The following CFAP44 variants were observed in gnomAD, a reference collection of about 807,000 sequenced individuals.
CFAP44 encodes cilia- and flagella-associated protein 44.
A neutral mutation model predicts 216.2 loss-of-function variants in CFAP44; 134 were observed. The ratio of observed to expected loss-of-function variants is 0.62; its 90% confidence interval spans 0.54 to 0.72. The LOEUF (loss-of-function observed/expected upper bound fraction) is 0.72. Among genes scored for constraint, CFAP44 ranks in the 30% least tolerant of loss-of-function variants. The pLI is 0.00. For missense variants in CFAP44, 2,035 were observed against 2,182.1 expected (o/e 0.93, Z 1.34); for synonymous variants, 700 against 727.6 (o/e 0.96, Z 0.61).
intron 21 of CFAP44, chr3:113,362,727 G>T: frequency 3.0e-6 from 1 of 329,610 alleles, no homozygotes; most frequent in Non-Finnish European, 5.5e-6. Flanking sequence ...CAGTCTGCTT[G>T]CAGCAAAAGA....
intron 32 of CFAP44, 50 bp from the exon 33 acceptor site, chr3:113,296,935 A>G (rs1414557174): frequency 6.6e-7 from 1 of 1,520,530 alleles, no homozygotes. Context: ...TCCCATTGTT[A>G]TAAATGAACA....
chr3:113,366,294 C>T lies in CFAP44; in HGVS notation c.2460G>A (p.Met820Ile). The T allele has an allele frequency of 1.3e-6, 2 of 1,597,962 alleles. No homozygotes were observed. The highest frequency in any genetic ancestry group is 1.7e-6 in the Non-Finnish European group (2 of 1,168,218). The change falls in exon 19 of 35, where the codon ATG (methionine) becomes ATA (isoleucine). Residue 820 changes from methionine to isoleucine, a missense_variant. Coordinates refer to ENST00000393845, the MANE Select transcript of CFAP44 (RefSeq NM_001164496.2). ...QTITFNINKV[M>I]MFCGMKNGAI... ...CTCCATTTTTCATTCCACAAAACAT[C>T]ATAACTTTGTTAATGCTACGAAACA...
At chr3:113,362,833 C>T (rs1304895547) in intron 21 of CFAP44, 4 of 1,092,582 alleles carry the variant, frequency 3.7e-6, no homozygotes, top group Non-Finnish European at 3.4e-6. Context: ...ATCTGTTATT[C>T]ATGTCTCTAT....
chr3:113,307,394 C>T (rs545896197), intron 29 of CFAP44, among the ~76,000 whole-genome samples: 5 of 152,288 alleles, frequency 3.3e-5, no homozygotes, highest in African/African-American at 1.2e-4. Flanking sequence ...TAATAAATCA[C>T]CCAGAGAGCC....
rs771691859 is a variant in CFAP44 at position 113,401,593 on chromosome 3, C to G, written c.1317G>C (p.Trp439Cys). The change falls in exon 10 of 35, where the codon TGG (tryptophan) becomes TGC (cysteine). Residue 439 changes from tryptophan (W) to cysteine (C), a missense_variant. Physicochemically the swap from Trp to Cys is radical, Grantham distance 215. Transcript: ENST00000393845. The part of the protein sequence containing the change: ...IKMNETGNNF[W>C]LAQDANGAIW... ...CAAGAATGCAACACACCTGAGCCAACCAAAAGTTATTTCCAGTTTCATTCA... is the reference window on the plus strand; with the variant it reads ...CAAGAATGCAACACACCTGAGCCAAGCAAAAGTTATTTCCAGTTTCATTCA... 4.3e-6 allele frequency: 7 copies of G among 1,613,030 alleles called. No individual in the cohort carries two copies. The highest frequency in any genetic ancestry group is 5.9e-6 in the Non-Finnish European group (7 of 1,179,634).
chr3:113,396,450 T>C, intron 14 of CFAP44, 68 bp downstream of exon 14: 3 of 1,477,334 alleles, frequency 2.0e-6, no homozygotes, highest in South Asian at 2.5e-5. Context: ...CATGATGAAG[T>C]AGGAGGACTT....
Position 113,294,681 on chromosome 3 carries a change from A to G in CFAP44, c.5373+6T>C, listed in dbSNP as rs1949864194. 1.3e-6 allele frequency: 2 copies of G among 1,523,612 alleles called. No homozygotes were observed. The highest frequency in any genetic ancestry group is 8.7e-7 in the Non-Finnish European group (1 of 1,142,896). 94.4% of individuals were successfully genotyped at this position (1,523,612 alleles called of 1,614,324 possible). ...CCGAAAAAGGGTCTGAAGGTAAAGA[A>G]CATACCTGCTGATTCTGTAGTGTAT... is the stretch of plus-strand genomic sequence containing the variant. On this transcript the variant is annotated splice_donor_region_variant and intron_variant, in intron 34 of 34. Coordinates refer to ENST00000393845, the MANE Select transcript of CFAP44 (RefSeq NM_001164496.2).
At chr3:113,324,792 C>T (rs979076180) in intron 28 of CFAP44, among the ~76,000 whole-genome samples, 16 of 152,070 alleles carry the variant, frequency 1.1e-4, no homozygotes, top group South Asian at 2.1e-4. Flanking sequence ...TATTTGCAGA[C>T]GAAATTATTA....
At chr3:113,350,874 A>C (rs919954528) in intron 22 of CFAP44, among the ~76,000 whole-genome samples, 2 of 152,224 alleles carry the variant, frequency 1.3e-5, no homozygotes, top group African/African-American at 4.8e-5. Flanking sequence ...TTGGAAAAAG[A>C]TGATTTGACC....
At position 113,401,487 on chromosome 3, in the gene CFAP44, T is replaced by C. The variant is rs1426756492; in HGVS notation, c.1326+97A>G. 1.4e-5 allele frequency: 20 copies of C among 1,430,342 alleles called. No individual in the cohort carries two copies. In the South Asian group the frequency reaches 2.5e-4, roughly 18 times the overall value. The allele number at this position is 1,430,342 out of a possible 1,614,324, so 88.6% of individuals were successfully genotyped here. A position where few individuals can be genotyped will look rare whatever the true frequency, so the allele number is the denominator to read the frequency against. Reference sequence around the variant, plus strand: ...ACACAATAAGCAATCTCATAACACTTACAGTCAAATGGACTTGTAGCCAAA... The same window carrying C: ...ACACAATAAGCAATCTCATAACACTCACAGTCAAATGGACTTGTAGCCAAA... On this transcript the variant is annotated intron_variant, in intron 10 of 34. Coordinates refer to ENST00000393845, the MANE Select transcript of CFAP44 (RefSeq NM_001164496.2).
chr3:113,366,066 G>T lies in CFAP44; in HGVS notation c.2688C>A (p.Asp896Glu). The T allele has an allele frequency of 6.2e-7, 1 of 1,613,158 alleles. No individual in the cohort carries two copies. Among genetic ancestry groups the T allele is most frequent in the Non-Finnish European group, 8.5e-7 (1 of 1,179,402 alleles). Residue 896 changes from aspartate to glutamate, a missense_variant, in exon 19 of 35, where the codon GAC (aspartate) becomes GAA (glutamate). By Grantham distance (45) the Asp-to-Glu change is conservative (BLOSUM62 2). Transcript: ENST00000393845. ...NIFSEFMLRKDMKAKVPSPRF... is the reference protein window; with the variant it reads ...NIFSEFMLRKEMKAKVPSPRF... ...TGGGAGATGGAACTTTGGCCTTCATGTCTTTCCTTAGCATAAATTCAGAAA... is the reference window on the plus strand; with the variant it reads ...TGGGAGATGGAACTTTGGCCTTCATTTCTTTCCTTAGCATAAATTCAGAAA...
At chr3:113,393,608 C>G (rs907665399) in intron 15 of CFAP44, among the ~76,000 whole-genome samples, 2 of 152,164 alleles carry the variant, frequency 1.3e-5, no homozygotes, top group African/African-American at 4.8e-5. Flanking sequence ...TGGCACACTG[C>G]AGCCTCAAGC....
intron 27 of CFAP44, 44 bp downstream of exon 27, chr3:113,327,572 T>C (rs1011874427): frequency 1.3e-5 from 19 of 1,490,996 alleles, no homozygotes; most frequent in Admixed American, 2.1e-5. Context: ...AGTTTCTCCA[T>C]AACTAAGGGA....
Position 113,330,413 on chromosome 3 carries a change from A to T in CFAP44, c.3871T>A (p.Ser1291Thr), listed in dbSNP as rs1950230197. 2.6e-6 allele frequency: 4 copies of T among 1,537,084 alleles called. No individual in the cohort carries two copies. In the Admixed American group the frequency reaches 7.8e-5, roughly 30 times the overall value. The change falls in exon 26 of 35, where the codon TCC becomes ACC. Residue 1291 changes from serine (S) to threonine (T), a missense_variant. Ser to Thr is a moderately conservative substitution (Grantham distance 58, BLOSUM62 1). Around this residue, in one of 3 missense-constraint regions of CFAP44, gnomAD observed 1,883 missense variants for 2,023.7 expected, o/e 0.93. Coordinates refer to ENST00000393845, the MANE Select transcript of CFAP44 (RefSeq NM_001164496.2). ...GACCCTGTCTGTTCCACTCCGGGGG[A>T]CTTTTCATCTTTACTTTTCATTTGC... ...QQQMKSKDEK[S>T]PGVEQTGSGG... is the part of the protein sequence containing the mutation.
chr3:113,419,989 GT>G (rs36013636), intron 5 of CFAP44, 27 bp downstream of exon 5: 11 of 1,602,808 alleles, frequency 6.9e-6, no homozygotes, highest in South Asian at 1.1e-5. Context: ...GTTTTTTGGG[GT>G]TTTTTTCTAA....
chr3:113,361,596 C>T (rs1372322262), intron 21 of CFAP44, among the ~76,000 whole-genome samples: 2 of 150,842 alleles, frequency 1.3e-5, no homozygotes, highest in Non-Finnish European at 3.0e-5. Context: ...CCAGGTTTCA[C>T]GCCATTCTCC....
intron 28 of CFAP44, among the ~76,000 whole-genome samples, chr3:113,319,825 T>G (rs1340847125): frequency 6.6e-6 from 1 of 151,872 alleles, no homozygotes; most frequent in Non-Finnish European, 1.5e-5. Context: ...ACTAGTTAGA[T>G]TAACAAAGAA....
intron 31 of CFAP44, 53 bp downstream of exon 31, chr3:113,304,983 G>A: frequency 1.4e-6 from 2 of 1,459,606 alleles, no homozygotes; most frequent in Non-Finnish European, 1.9e-6. Flanking sequence ...TGAAAAGCTT[G>A]GGTGTGATGA....
chr3:113,370,091 C>T (rs976871728), intron 18 of CFAP44, among the ~76,000 whole-genome samples: 1 of 151,910 alleles, frequency 6.6e-6, no homozygotes, highest in Non-Finnish European at 1.5e-5. Flanking sequence ...ATAATTAATA[C>T]CCTACCAACC....
Sources: allele counts gnomAD v4.1 joint callset (sites outside exome capture counted in the v4.1 genomes callset), GRCh38; gene constraint gnomAD v4.1.1; regional missense constraint gnomAD v4.1.1; transcripts MANE v1.5; gene names NCBI Gene and HGNC (gene_info 2026-07-23, HGNC 2026-07-21).